NEO1: variants seen among roughly 807,000 people sequenced by gnomAD.
NEO1 encodes neogenin.
In NEO1, 63 loss-of-function variants were observed where a neutral mutation model predicts 159.7. The ratio of observed to expected loss-of-function variants is 0.39; its 90% CI spans 0.32 to 0.49. The LOEUF is 0.49. Among genes scored for constraint, NEO1 ranks in the 20% least tolerant of loss-of-function variants. The pLI, the probability that NEO1 is intolerant of heterozygous loss-of-function variation, is 0.85. For synonymous variants in NEO1, 633 were observed against 662.0 expected, an observed-to-expected ratio of 0.96 and a Z score of 0.67; for missense variants, 1,615 against 1,831.0, an observed-to-expected ratio of 0.88 and a Z score of 2.15.
At chr15:73,173,818 G>T (rs1163091291) in intron 5 of NEO1, among the ~76,000 whole-genome samples, 1 of 152,108 alleles carries the variant, frequency 6.6e-6, no homozygotes, top group African/African-American at 2.4e-5. Context: ...AATTATTAAT[G>T]GCCGGTCGCG....
chr15:73,052,324 G>C (rs2067477643), upstream of NEO1, among the ~76,000 whole-genome samples: 1 of 135,910 alleles, frequency 7.4e-6, no homozygotes. Flanking sequence ...CGCCCCCGCC[G>C]TCCGCGGTCT....
At chr15:73,077,665 C>T (rs1177782744) in intron 1 of NEO1, among the ~76,000 whole-genome samples, 1 of 152,208 alleles carries the variant, frequency 6.6e-6, no homozygotes, top group Non-Finnish European at 1.5e-5. Context: ...ATTCATTCAA[C>T]AAGCATTTAT....
At chr15:73,080,785 G>A (rs542921520) in intron 1 of NEO1, among the ~76,000 whole-genome samples, 7 of 152,264 alleles carry the variant, frequency 4.6e-5, no homozygotes, top group African/African-American at 1.7e-4. Flanking sequence ...GCCAGAAAGA[G>A]GCGGGAGAAG....
chr15:73,200,172 T>C (rs1276666660), intron 7 of NEO1, among the ~76,000 whole-genome samples: 1 of 152,208 alleles, frequency 6.6e-6, no homozygotes, highest in Admixed American at 6.5e-5. Flanking sequence ...CCTAGTGCAT[T>C]CTTTTTTTTG....
intron 1 of NEO1, among the ~76,000 whole-genome samples, chr15:73,102,875 T>C (rs1310329155): frequency 6.6e-6 from 1 of 152,202 alleles, no homozygotes; most frequent in Non-Finnish European, 1.5e-5. Flanking sequence ...CCTTAAACTC[T>C]CCATGTTACT....
rs768776329 is a variant in NEO1, at chr15:73,249,703, G to A, written c.1876G>A (p.Val626Ile). 8.7e-6 allele frequency: 14 copies of A among 1,611,264 alleles called. No individual in the cohort carries two copies. Among genetic ancestry groups the A allele is most frequent in the African/African-American group, 1.3e-5 (1 of 74,784 alleles). The change falls in exon 11 of 29, where the codon GTT (valine) becomes ATT (isoleucine). Residue 626 changes from valine (V) to isoleucine (I), a missense_variant. By Grantham distance (29) the Val-to-Ile change is conservative (BLOSUM62 3). Around this residue, in one of 3 missense-constraint regions of NEO1, gnomAD observed 1,018 missense variants for 1,115.4 expected, o/e 0.91. Transcript: ENST00000261908. ...GPGVSTPDVA[V>I]RTLSDVPSAA... is the part of the protein sequence containing the mutation. ...TGGAGTTTCCACACCAGATGTTGCT[G>A]TTCGAACATTGTCAGATGGTGAGTC...
intron 26 of NEO1, among the ~76,000 whole-genome samples, chr15:73,294,546 T>G (rs1456957914): frequency 6.6e-6 from 1 of 152,056 alleles, no homozygotes; most frequent in Non-Finnish European, 1.5e-5. Context: ...TTTGGTTTCT[T>G]TGTTTGTTTT....
chr15:73,207,113 TC>T (rs899134928), intron 7 of NEO1, among the ~76,000 whole-genome samples: 3 of 152,238 alleles, frequency 2.0e-5, no homozygotes, highest in Admixed American at 6.5e-5. Context: ...TCCAGCTTGA[TC>T]CAATCACATT....
intron 13 of NEO1, among the ~76,000 whole-genome samples, chr15:73,258,504 CAA>C (rs1426558888): frequency 6.6e-6 from 1 of 152,190 alleles, no homozygotes; most frequent in Admixed American, 6.5e-5. Context: ...AGCTCTTAAA[CAA>C]AAGTCTGTAA....
chr15:73,151,804 A>G (rs1319702060), intron 5 of NEO1, among the ~76,000 whole-genome samples: 2 of 152,216 alleles, frequency 1.3e-5, no homozygotes, highest in South Asian at 2.1e-4. Context: ...CAGCCAAACC[A>G]TATCAGCTTC....
intron 22 of NEO1, among the ~76,000 whole-genome samples, chr15:73,279,242 G>A (rs1417552989): frequency 6.6e-6 from 1 of 151,584 alleles, no homozygotes; most frequent in Non-Finnish European, 1.5e-5. Flanking sequence ...CATTTATATT[G>A]TGTCCACAGT....
At chr15:73,149,900 T>A (rs2033235956) in intron 5 of NEO1, among the ~76,000 whole-genome samples, 1 of 152,206 alleles carries the variant, frequency 6.6e-6, no homozygotes, top group Non-Finnish European at 1.5e-5. Flanking sequence ...AAATATATAG[T>A]ATGTTATTGT....
At chr15:73,078,665 A>G (rs1017243744) in intron 1 of NEO1, among the ~76,000 whole-genome samples, 1 of 152,318 alleles carries the variant, frequency 6.6e-6, no homozygotes, top group African/African-American at 2.4e-5. Flanking sequence ...CTATGTTTCT[A>G]TTGAGTTAAG....
intron 7 of NEO1, among the ~76,000 whole-genome samples, chr15:73,222,340 G>A (rs1268147829): frequency 6.6e-6 from 1 of 151,686 alleles, no homozygotes; most frequent in Non-Finnish European, 1.5e-5. Flanking sequence ...TCCTGACCTC[G>A]TGATCCGCCC....
chr15:73,063,295 C>G (rs766640822), intron 1 of NEO1, among the ~76,000 whole-genome samples: 30 of 152,054 alleles, frequency 2.0e-4, no homozygotes, highest in Non-Finnish European at 3.5e-4. Context: ...ATCATAACCA[C>G]CCACTCTACT....
intron 7 of NEO1, among the ~76,000 whole-genome samples, chr15:73,188,747 A>G (rs1393317021): frequency 6.6e-6 from 1 of 152,236 alleles, no homozygotes; most frequent in Non-Finnish European, 1.5e-5. Flanking sequence ...GAGTGAAGAA[A>G]GGATACAAAC....
chr15:73,281,214 A>C (rs75814808), intron 22 of NEO1, among the ~76,000 whole-genome samples: 3 of 147,040 alleles, frequency 2.0e-5, no homozygotes, highest in African/African-American at 7.5e-5. Flanking sequence ...AAAAAAAAAA[A>C]ACACATAAAT....
chr15:73,276,815 C>G (rs1428615051), intron 21 of NEO1, among the ~76,000 whole-genome samples: 3 of 152,196 alleles, frequency 2.0e-5, no homozygotes, highest in South Asian at 4.1e-4. Flanking sequence ...CTAGTTTATA[C>G]ATTTCTAGTA....
chr15:73,215,594 G>C (rs564269258), intron 7 of NEO1, among the ~76,000 whole-genome samples: 1 of 152,122 alleles, frequency 6.6e-6, no homozygotes, highest in Non-Finnish European at 1.5e-5. Context: ...TAATTCACTT[G>C]CGTATGTTAA....
Sources: allele counts gnomAD v4.1 joint callset (sites outside exome capture counted in the v4.1 genomes callset), GRCh38; gene constraint gnomAD v4.1.1; regional missense constraint gnomAD v4.1.1; transcripts MANE v1.5; gene names NCBI Gene and HGNC (gene_info 2026-07-23, HGNC 2026-07-21).